Variants in RBM19 observed in about 807,000 individuals in gnomAD.
RBM19 encodes the protein RNA binding motif protein 19, also known as probable RNA-binding protein 19.
Under a neutral mutation model 116.8 loss-of-function variants are expected in RBM19, and 94 were observed. That is an observed-to-expected ratio of 0.80 (90% CI 0.68 to 0.95). The LOEUF (loss-of-function observed/expected upper bound fraction) is 0.95. Ranked by LOEUF, RBM19 falls within the 40% of genes least tolerant of loss-of-function variation. The pLI is 0.00. For missense variants in RBM19, 1,161 were observed against 1,220.7 expected, an observed-to-expected ratio of 0.95 and a Z score of 0.73; for synonymous variants, 475 against 494.1, an observed-to-expected ratio of 0.96 and a Z score of 0.51.
Position 113,962,324 on chromosome 12 carries a change from T to C in RBM19, c.127A>G (p.Lys43Glu), listed in dbSNP as rs1278213227. ...GACTTGAAGCCAATAAAACCAAACT[T>C]GCGGAACTTGCCATCTTTGGTGAAC... ...LKFTKDGKFR[K>E]FGFIGFKSEE... is the part of the protein sequence containing the mutation. Residue 43 changes from lysine to glutamate, a missense_variant, in exon 2 of 24, where the codon AAG becomes GAG. Coordinates refer to ENST00000261741, the MANE Select transcript of RBM19 (RefSeq NM_016196.4). The C allele has an allele frequency of 6.2e-7, 1 of 1,614,220 alleles. No individual in the cohort carries two copies. Among genetic ancestry groups the C allele is most frequent in the Non-Finnish European group, 8.5e-7 (1 of 1,180,040 alleles).
At chr12:113,909,105 C>T (rs1003302932) in intron 21 of RBM19, among the ~76,000 whole-genome samples, 5 of 152,008 alleles carry the variant, frequency 3.3e-5, no homozygotes, top group Admixed American at 6.5e-5. Flanking sequence ...AGTGTGCTGG[C>T]GTGTGCTGAA....
chr12:113,872,570 G>GT (rs1491307364), intron 21 of RBM19, among the ~76,000 whole-genome samples: 1 of 84,362 alleles, frequency 1.2e-5, no homozygotes, highest in Non-Finnish European at 3.0e-5. Context: ...GGAGGGAGGT[G>GT]GGGGGGGGTC....
intron 22 of RBM19, among the ~76,000 whole-genome samples, chr12:113,845,756 C>T (rs371030300): frequency 9.2e-5 from 14 of 152,302 alleles, no homozygotes; most frequent in African/African-American, 2.4e-4. Flanking sequence ...TGCACAGGGA[C>T]GCCCTAACTT....
At chr12:113,840,118 A>G (rs1233540574) in intron 23 of RBM19, among the ~76,000 whole-genome samples, 4 of 152,204 alleles carry the variant, frequency 2.6e-5, no homozygotes, top group African/African-American at 9.6e-5. Context: ...ACAAAGTTTC[A>G]TGGATTCTTA....
At chr12:113,955,289 T>A in intron 6 of RBM19, 78 bp from the exon 7 acceptor site, 1 of 1,399,290 alleles carries the variant, frequency 7.1e-7, no homozygotes, top group Non-Finnish European at 1.0e-6. Flanking sequence ...ACTGGGACAT[T>A]TCAGTGCCAG....
chr12:113,888,928 C>A lies in RBM19; in HGVS notation c.2558+26041G>T, dbSNP rs528463790. Among the ~76,000 whole-genome samples, 3 of 152,278 alleles carry A rather than the reference C, an allele frequency of 2.0e-5. No homozygotes were observed. In the South Asian group the frequency reaches 6.2e-4, roughly 32 times the overall value. ...CAGTGGTTCTTAACGGGTGGTACTG[C>A]CCCCCTGAAAGCCTTTGGGGGGCTC... On this transcript the variant is annotated intron_variant, in intron 21 of 23. Coordinates refer to ENST00000261741, the MANE Select transcript of RBM19 (RefSeq NM_016196.4).
intron 21 of RBM19, among the ~76,000 whole-genome samples, chr12:113,862,681 G>GA (rs891501115): frequency 6.6e-6 from 1 of 152,086 alleles, no homozygotes; most frequent in Non-Finnish European, 1.5e-5. Context: ...TGGGGAGGAA[G>GA]AAAATCACAG....
intron 21 of RBM19, among the ~76,000 whole-genome samples, chr12:113,862,343 G>C (rs1878464802): frequency 1.3e-5 from 2 of 152,148 alleles, no homozygotes; most frequent in African/African-American, 2.4e-5. Flanking sequence ...GCTTCTCCCA[G>C]CCCAAGAACA....
chr12:113,902,269 C>T (rs1312785241), intron 21 of RBM19, among the ~76,000 whole-genome samples: 1 of 152,162 alleles, frequency 6.6e-6, no homozygotes, highest in African/African-American at 2.4e-5. Context: ...AGGCACCTCC[C>T]TCCCTCCTGC....
intron 22 of RBM19, among the ~76,000 whole-genome samples, chr12:113,845,354 C>T (rs1449504971): frequency 6.6e-6 from 1 of 152,102 alleles, no homozygotes; most frequent in African/African-American, 2.4e-5. Context: ...CCACCCCCAG[C>T]TCAGCAGCCT....
chr12:113,883,762 T>C (rs1386645091), intron 21 of RBM19, among the ~76,000 whole-genome samples: 4 of 152,240 alleles, frequency 2.6e-5, no homozygotes, highest in Non-Finnish European at 5.9e-5. Flanking sequence ...ATGGGGCCAC[T>C]GTGGGAACTC....
At chr12:113,840,615 G>A (rs1344061796) in intron 23 of RBM19, among the ~76,000 whole-genome samples, 1 of 152,236 alleles carries the variant, frequency 6.6e-6, no homozygotes, top group African/African-American at 2.4e-5. Flanking sequence ...CAGGTGGGAT[G>A]GCCTGATGGG....
chr12:113,878,714 A>G (rs1443041670), intron 21 of RBM19, among the ~76,000 whole-genome samples: 1 of 151,582 alleles, frequency 6.6e-6, no homozygotes, highest in Non-Finnish European at 1.5e-5. Flanking sequence ...ATGGCAGGAA[A>G]GCCGCCCAAG....
rs1447817943 is a variant in RBM19, at chr12:113,926,391, T to G, written c.2244+663A>C. ...ACAAAAAACTGAAAAACCCACTGAGTGTTTATTCTGTGCCAAGCCCAGACT... is the reference window on the plus strand; with the variant it reads ...ACAAAAAACTGAAAAACCCACTGAGGGTTTATTCTGTGCCAAGCCCAGACT... On this transcript the variant is annotated intron_variant, in intron 17 of 23. Transcript: ENST00000261741. Among the ~76,000 whole-genome samples, 7 of 152,198 alleles carry G rather than the reference T, an allele frequency of 4.6e-5. No homozygotes were observed. In the East Asian group the frequency reaches 1.3e-3, roughly 29 times the overall value.
intron 18 of RBM19, among the ~76,000 whole-genome samples, chr12:113,923,756 C>T (rs757602944): frequency 1.7e-4 from 26 of 152,224 alleles, no homozygotes; most frequent in Non-Finnish European, 3.2e-4. Flanking sequence ...CTGTGCTGGA[C>T]GCCTGTCCCT....
chr12:113,910,888 T>A (rs1213300589), intron 21 of RBM19, among the ~76,000 whole-genome samples: 2 of 152,182 alleles, frequency 1.3e-5, no homozygotes, highest in African/African-American at 2.4e-5. Flanking sequence ...GAGCCCCAAG[T>A]GTAAGCTTCA....
intron 7 of RBM19, 94 bp downstream of exon 7, chr12:113,955,037 C>T: frequency 2.4e-6 from 3 of 1,252,358 alleles, no homozygotes; most frequent in Middle Eastern, 2.6e-4. Context: ...CCTCAACCGA[C>T]TCTAATGCCC....
At chr12:113,923,871 T>C (rs535744903) in intron 18 of RBM19, among the ~76,000 whole-genome samples, 169 of 152,344 alleles carry the variant, frequency 1.1e-3, no homozygotes, top group African/African-American at 3.9e-3. Flanking sequence ...CTCAGTCTTA[T>C]ATAACTAACA....
intron 23 of RBM19, among the ~76,000 whole-genome samples, chr12:113,837,861 T>A (rs1447672891): frequency 6.6e-6 from 1 of 152,218 alleles, no homozygotes; most frequent in Admixed American, 6.5e-5. Flanking sequence ...CTCACAACTT[T>A]TAGTGAAAAG....
Sources: allele counts gnomAD v4.1 joint callset (sites outside exome capture counted in the v4.1 genomes callset), GRCh38; gene constraint gnomAD v4.1.1; transcripts MANE v1.5; gene names NCBI Gene and HGNC (gene_info 2026-07-23, HGNC 2026-07-21).